Variants in ULK4 observed in about 807,000 individuals in gnomAD.
The protein encoded by ULK4 is inactive serine/threonine-protein kinase ULK4.
A neutral mutation model predicts 160.6 loss-of-function variants in ULK4; 133 were observed. That is an observed-to-expected ratio of 0.83 (90% CI 0.72 to 0.96). The LOEUF is 0.96. Ranked by LOEUF, ULK4 falls within the 40% of genes least tolerant of loss-of-function variation. The pLI, the probability that ULK4 is intolerant of heterozygous loss-of-function variation, is 0.00. For missense variants in ULK4, 1,580 were observed against 1,499.5 expected (o/e 1.05, Z -0.89); for synonymous variants, 534 against 539.8 (o/e 0.99, Z 0.15).
At chr3:41,439,300 G>GT (rs1259161399) in intron 34 of ULK4, among the ~76,000 whole-genome samples, 2 of 152,114 alleles carry the variant, frequency 1.3e-5, no homozygotes, top group African/African-American at 4.8e-5. Flanking sequence ...CCAGGGCAAG[G>GT]TAACTATAGT....
chr3:41,801,159 C>A (rs2040447694), intron 19 of ULK4, among the ~76,000 whole-genome samples: 1 of 151,668 alleles, frequency 6.6e-6, no homozygotes, highest in Non-Finnish European at 1.5e-5. Context: ...TAAAAATGAC[C>A]CAAATCAAAA....
intron 35 of ULK4, among the ~76,000 whole-genome samples, chr3:41,376,508 T>C (rs1337899546): frequency 2.0e-5 from 3 of 150,188 alleles, no homozygotes; most frequent in East Asian, 2.1e-4. Context: ...CTTAAGCTGA[T>C]AAGCAATTTC....
At chr3:41,705,026 G>A in intron 27 of ULK4, 31 bp downstream of exon 27, 1 of 1,552,518 alleles carries the variant, frequency 6.4e-7, no homozygotes. Context: ...AAATTTAAAA[G>A]GAGCTTTTTT....
chr3:41,952,226 T>C (rs1354554803), intron 2 of ULK4, among the ~76,000 whole-genome samples: 3 of 152,284 alleles, frequency 2.0e-5, no homozygotes, highest in East Asian at 3.9e-4. Context: ...TTTTAAACTT[T>C]AGTACATCAA....
chr3:41,299,200 G>A (rs866959538), intron 35 of ULK4, among the ~76,000 whole-genome samples: 1 of 152,300 alleles, frequency 6.6e-6, no homozygotes, highest in East Asian at 1.9e-4. Context: ...GAACAAGCCT[G>A]GGCTATCCTG....
chr3:41,254,836 T>C (rs2078803647), intron 35 of ULK4, among the ~76,000 whole-genome samples: 1 of 149,518 alleles, frequency 6.7e-6, no homozygotes, highest in South Asian at 2.1e-4. Flanking sequence ...TGAGCAGAGA[T>C]CATGCCACTG....
At chr3:41,576,332 G>A (rs1328155427) in intron 31 of ULK4, among the ~76,000 whole-genome samples, 6 of 152,204 alleles carry the variant, frequency 3.9e-5, no homozygotes, top group East Asian at 1.9e-4. Flanking sequence ...GTGCCTGCCT[G>A]CATCACTGTG....
Position 41,492,689 on chromosome 3 carries a change from T to C in ULK4, c.3227-29436A>G, listed in dbSNP as rs2084828444. 1.3e-5 allele frequency among the ~76,000 whole-genome samples: 2 copies of C among 151,976 alleles called. 1 individual carries two copies. Among genetic ancestry groups the C allele is most frequent in the African/African-American group, 4.8e-5 (2 of 41,320 alleles). On this transcript the variant is annotated intron_variant, in intron 32 of 36. Transcript: ENST00000301831. ...TGCTGTATTCAGGAGACCCATCTCA[T>C]GTGCAGAGACACACATAGGCTCAAA...
chr3:41,661,232 T>C (rs1192645121), intron 30 of ULK4, among the ~76,000 whole-genome samples: 1 of 152,114 alleles, frequency 6.6e-6, no homozygotes, highest in Non-Finnish European at 1.5e-5. Flanking sequence ...ATTCATTAGT[T>C]TGGCAAAGAT....
chr3:41,275,222 A>G (rs1414865576), intron 35 of ULK4, among the ~76,000 whole-genome samples: 2 of 152,186 alleles, frequency 1.3e-5, no homozygotes, highest in Non-Finnish European at 2.9e-5. Context: ...GGCTTTGGGG[A>G]TCCTCTGGAT....
chr3:41,458,213 C>T (rs1030581683), intron 33 of ULK4, among the ~76,000 whole-genome samples: 5 of 152,102 alleles, frequency 3.3e-5, no homozygotes, highest in African/African-American at 9.7e-5. Context: ...TAGAAACATA[C>T]ATTTAGTAGC....
At chr3:41,272,696 T>C (rs2079158980) in intron 35 of ULK4, among the ~76,000 whole-genome samples, 1 of 152,138 alleles carries the variant, frequency 6.6e-6, no homozygotes, top group Non-Finnish European at 1.5e-5. Flanking sequence ...TCAAATATTT[T>C]TGCTACTCTC....
At chr3:41,930,102 A>T (rs958842537) in intron 5 of ULK4, among the ~76,000 whole-genome samples, 1 of 152,206 alleles carries the variant, frequency 6.6e-6, no homozygotes. Flanking sequence ...ACAAGGCCAC[A>T]GTAACCAAAA....
At chr3:41,334,390 A>T (rs2080509358) in intron 35 of ULK4, among the ~76,000 whole-genome samples, 1 of 152,148 alleles carries the variant, frequency 6.6e-6, no homozygotes, top group Non-Finnish European at 1.5e-5. Flanking sequence ...ACAAAGAGAG[A>T]ATGTCCCACC....
Position 41,686,496 on chromosome 3 carries a change from G to T in ULK4, c.2782-4692C>A, listed in dbSNP as rs80029789. On this transcript the variant is annotated intron_variant, in intron 27 of 36. Transcript: ENST00000301831. Reference sequence around the variant, plus strand: ...TTGGGTCTTTTATGTGTGTGTGTGTGTAAGATATTTAGAGTAACTTACTTT... The same window carrying T: ...TTGGGTCTTTTATGTGTGTGTGTGTTTAAGATATTTAGAGTAACTTACTTT... Among the ~76,000 whole-genome samples the T allele has an allele frequency of 4.1e-4, 63 of 151,954 alleles. No individual in the cohort carries two copies. The East Asian group carries it at 0.011, about 27-fold the overall frequency.
At chr3:41,844,064 T>G (rs1404287312) in intron 17 of ULK4, among the ~76,000 whole-genome samples, 1 of 152,152 alleles carries the variant, frequency 6.6e-6, no homozygotes, top group Non-Finnish European at 1.5e-5. Flanking sequence ...GACATAAAGG[T>G]TCTGCAAGTC....
intron 35 of ULK4, among the ~76,000 whole-genome samples, chr3:41,306,537 C>T (rs1455415634): frequency 6.7e-6 from 1 of 150,356 alleles, no homozygotes; most frequent in Non-Finnish European, 1.5e-5. Flanking sequence ...GGGTCAGCCC[C>T]CTGCCCGGCC....
intron 29 of ULK4, among the ~76,000 whole-genome samples, chr3:41,674,277 A>G (rs1054215558): frequency 3.3e-5 from 5 of 152,242 alleles, no homozygotes; most frequent in African/African-American, 1.2e-4. Context: ...AATAGTCAGC[A>G]TAAGACTACT....
At chr3:41,900,875 G>C in intron 12 of ULK4, 46 bp from the exon 13 acceptor site, 2 of 1,423,302 alleles carry the variant, frequency 1.4e-6, no homozygotes, top group Non-Finnish European at 2.0e-6. Context: ...GACTAATGTA[G>C]ATCTTTAAAA....
Sources: allele counts gnomAD v4.1 joint callset (sites outside exome capture counted in the v4.1 genomes callset), GRCh38; gene constraint gnomAD v4.1.1; transcripts MANE v1.5; gene names NCBI Gene and HGNC (gene_info 2026-07-23, HGNC 2026-07-21).